The following PLA2G4A variants were observed in gnomAD, a reference collection of about 807,000 sequenced individuals.
The protein encoded by PLA2G4A is phospholipase A2 group IVA.
Under a neutral mutation model 81.9 loss-of-function variants are expected in PLA2G4A, and 40 were observed. The ratio of observed to expected loss-of-function variants is 0.49; its 90% CI spans 0.38 to 0.64. The LOEUF is 0.64. Ranked by LOEUF, PLA2G4A falls within the 30% of genes least tolerant of loss-of-function variation. PLA2G4A has a pLI of 0.00. For synonymous variants in PLA2G4A, 302 were observed against 296.9 expected (o/e 1.02, Z -0.18); for missense variants, 715 against 905.1 (o/e 0.79, Z 2.69).
At chr1:186,983,822 C>T (rs1657806470) in intron 17 of PLA2G4A, among the ~76,000 whole-genome samples, 2 of 152,004 alleles carry the variant, frequency 1.3e-5, no homozygotes, top group South Asian at 2.1e-4. Flanking sequence ...CCTTGCTCTG[C>T]GGCCTCTTGG....
At chr1:186,907,073 AT>A (rs575727317) in intron 6 of PLA2G4A, 71 bp downstream of exon 6, 10,657 of 808,588 alleles carry the variant, frequency 0.013, 97 homozygotes, top group Middle Eastern at 0.018. Context: ...TTGTTAAAGA[AT>A]TTTTTTATAT....
At chr1:186,848,565 C>G (rs1159990158) in intron 1 of PLA2G4A, among the ~76,000 whole-genome samples, 1 of 152,136 alleles carries the variant, frequency 6.6e-6, no homozygotes, top group African/African-American at 2.4e-5. Flanking sequence ...TCCAAGTTAA[C>G]AGAAAAGTTC....
At chr1:186,832,915 C>G (rs191068695) in intron 1 of PLA2G4A, among the ~76,000 whole-genome samples, 88 of 152,102 alleles carry the variant, frequency 5.8e-4, no homozygotes, top group Non-Finnish European at 1.1e-3. Flanking sequence ...TTTCCTGAAA[C>G]CTTTCCCTTA....
chr1:186,926,792 A>G (rs1655565438), intron 7 of PLA2G4A, among the ~76,000 whole-genome samples: 1 of 152,156 alleles, frequency 6.6e-6, no homozygotes. Context: ...TGGCAAGGGG[A>G]TAAGTACAAA....
At chr1:186,836,344 T>C (rs1651776764) in intron 1 of PLA2G4A, among the ~76,000 whole-genome samples, 1 of 145,694 alleles carries the variant, frequency 6.9e-6, no homozygotes, top group Admixed American at 6.7e-5. Flanking sequence ...ACATAAGATA[T>C]TAATCAACCA....
At chr1:186,886,730 G>A (rs1244343431) in intron 3 of PLA2G4A, among the ~76,000 whole-genome samples, 2 of 152,114 alleles carry the variant, frequency 1.3e-5, no homozygotes, top group African/African-American at 2.4e-5. Context: ...GTGGCCATTT[G>A]AAAATGTATT....
rs145524622 is a variant in PLA2G4A, at chr1:186,976,142, C to T, written c.1765-1451C>T. ...TGATTGCTATCTCTCGCCCAACAGG[C>T]TATAAATCCCATAACAACAAAAACC... On this transcript the variant is annotated intron_variant, in intron 15 of 17. Coordinates refer to ENST00000367466, the MANE Select transcript of PLA2G4A (RefSeq NM_024420.3). 1.4e-3 allele frequency among the ~76,000 whole-genome samples: 207 copies of T among 152,268 alleles called. 1 individual carries two copies. The highest frequency in any genetic ancestry group is 4.8e-3 in the African/African-American group (200 of 41,556).
intron 1 of PLA2G4A, among the ~76,000 whole-genome samples, chr1:186,830,976 T>TTCTTTCTTTC (rs1651554249): frequency 7.6e-6 from 1 of 131,590 alleles, no homozygotes; most frequent in African/African-American, 2.9e-5. Context: ...CTTTCTTTCT[T>TTCTTTCTTTC]TCTTTCTTTC....
intron 2 of PLA2G4A, among the ~76,000 whole-genome samples, chr1:186,859,056 TG>T (rs1652702106): frequency 6.6e-6 from 1 of 152,036 alleles, no homozygotes. Context: ...GAAAGTTGAG[TG>T]AATCAAGCCA....
In PLA2G4A at chr1:186,894,215, A is replaced by C; in HGVS notation, c.378+4A>C. Reference sequence around the variant, plus strand: ...AGTTCCTTTTATTTTCAACCAAGTAAGTAACACTGCAGAATTATATTCCAA... The same window carrying C: ...AGTTCCTTTTATTTTCAACCAAGTACGTAACACTGCAGAATTATATTCCAA... On this transcript the variant is annotated splice_donor_region_variant and intron_variant, in intron 5 of 17. Transcript: ENST00000367466. 1.0e-6 allele frequency: 1 copy of C among 964,682 alleles called. No homozygotes were observed. Among genetic ancestry groups the C allele is most frequent in the East Asian group, 2.4e-5 (1 of 41,884 alleles). The allele number at this position is 964,682 out of a possible 1,614,324, so 59.8% of individuals were successfully genotyped here.
intron 3 of PLA2G4A, among the ~76,000 whole-genome samples, chr1:186,876,189 G>A (rs530207005): frequency 4.6e-5 from 7 of 152,212 alleles, no homozygotes; most frequent in Non-Finnish European, 1.0e-4. Context: ...TATAAGATTC[G>A]CGAAATAACT....
At chr1:186,963,331 A>G (rs966815659) in intron 14 of PLA2G4A, among the ~76,000 whole-genome samples, 1 of 152,246 alleles carries the variant, frequency 6.6e-6, no homozygotes, top group Non-Finnish European at 1.5e-5. Context: ...TCAGTCTTAC[A>G]TCGTTACATT....
chr1:186,969,356 G>T (rs1166550851), intron 15 of PLA2G4A, among the ~76,000 whole-genome samples: 1 of 151,656 alleles, frequency 6.6e-6, no homozygotes, highest in Non-Finnish European at 1.5e-5. Context: ...ATCAATTAGG[G>T]TAATTGGGAT....
chr1:186,913,569 T>A (rs970778114), intron 7 of PLA2G4A, among the ~76,000 whole-genome samples: 1 of 152,142 alleles, frequency 6.6e-6, no homozygotes, highest in African/African-American at 2.4e-5. Context: ...AATTATTTAC[T>A]TATTTATTTA....
chr1:186,932,995 A>T, intron 8 of PLA2G4A, 96 bp downstream of exon 8: 1 of 915,448 alleles, frequency 1.1e-6, no homozygotes, highest in East Asian at 2.6e-5. Flanking sequence ...TAGAAAATTG[A>T]TCATTAATTT....
chr1:186,883,509 G>A (rs16826049), intron 3 of PLA2G4A, among the ~76,000 whole-genome samples: 7,622 of 152,056 alleles, frequency 0.05, 630 homozygotes, highest in African/African-American at 0.17. Context: ...AAATAACTGC[G>A]ATCATTCCTT....
At chr1:186,880,847 G>GT (rs939781958) in intron 3 of PLA2G4A, among the ~76,000 whole-genome samples, 6 of 152,004 alleles carry the variant, frequency 3.9e-5, no homozygotes, top group South Asian at 4.1e-4. Context: ...CCAAAGATAT[G>GT]TTTTTTCCCT....
chr1:186,862,799 A>G (rs1235559595), intron 2 of PLA2G4A, among the ~76,000 whole-genome samples: 2 of 152,160 alleles, frequency 1.3e-5, no homozygotes, highest in Non-Finnish European at 2.9e-5. Flanking sequence ...TCAAATGTAC[A>G]TGCTACTTCA....
chr1:186,933,085 C>T (rs1282138534), intron 8 of PLA2G4A, among the ~76,000 whole-genome samples, 186 bp downstream of exon 8: 1 of 152,088 alleles, frequency 6.6e-6, no homozygotes, highest in South Asian at 2.1e-4. Context: ...TTAATAATAA[C>T]TTTTTGTTGC....
Sources: gnomAD v4.1 joint callset for allele counts (sites outside exome capture counted in the v4.1 genomes callset) on GRCh38, gnomAD v4.1.1 for gene constraint, MANE v1.5 for transcripts, NCBI Gene and HGNC (gene_info 2026-07-23, HGNC 2026-07-21) for gene names.